Variants in MCUB observed in about 807,000 individuals in gnomAD.
MCUB encodes the protein mitochondrial calcium uniporter dominant negative subunit beta.
MCUB carries 46 observed loss-of-function variants against 41.4 expected under a neutral mutation model. The observed-to-expected ratio is 1.11, with a 90% CI of 0.88 to 1.42. MCUB has a LOEUF of 1.42. Ranked by LOEUF, MCUB falls within the 40% of genes most tolerant of loss-of-function variation. The pLI is 0.00. For missense variants in MCUB, 403 were observed against 404.9 expected, an observed-to-expected ratio of 1.00 and a Z score of 0.04; for synonymous variants, 148 against 148.2, an observed-to-expected ratio of 1.00 and a Z score of 0.01.
intron 4 of MCUB, among the ~76,000 whole-genome samples, chr4:109,681,753 C>T (rs1406601274): frequency 6.6e-6 from 1 of 152,178 alleles, no homozygotes; most frequent in African/African-American, 2.4e-5. Flanking sequence ...CAGTGGACAC[C>T]CTGCTGGATC....
chr4:109,566,439 T>C (rs1204214678), intron 1 of MCUB, among the ~76,000 whole-genome samples: 12 of 149,238 alleles, frequency 8.0e-5, no homozygotes, highest in South Asian at 6.4e-4. Context: ...CACTGCACTC[T>C]AGCCTAGGCA....
At chr4:109,672,899 T>A (rs1729491224) in intron 4 of MCUB, among the ~76,000 whole-genome samples, 1 of 152,232 alleles carries the variant, frequency 6.6e-6, no homozygotes, top group South Asian at 2.1e-4. Context: ...ACCTTGTACC[T>A]ATCATGTCCC....
At chr4:109,567,509 ACTAAAATACAAAAAATT>A (rs1286866136) in intron 1 of MCUB, among the ~76,000 whole-genome samples, 2 of 75,764 alleles carry the variant, frequency 2.6e-5, no homozygotes, top group Non-Finnish European at 4.7e-5. Flanking sequence ...CCTGGTCTCT[ACTAAAATACAAAAAATT>A]AGCCAGACAT....
At chr4:109,675,936 A>G (rs1288997530) in intron 4 of MCUB, among the ~76,000 whole-genome samples, 3 of 152,226 alleles carry the variant, frequency 2.0e-5, no homozygotes, top group Non-Finnish European at 1.5e-5. Context: ...CTGTGAGGAA[A>G]TAAAATGTTG....
intron 1 of MCUB, among the ~76,000 whole-genome samples, chr4:109,647,026 A>C (rs963713596): frequency 6.6e-6 from 1 of 152,154 alleles, no homozygotes; most frequent in Non-Finnish European, 1.5e-5. Flanking sequence ...TTTTTAATAG[A>C]CCATTTTTTA....
At chr4:109,646,313 C>G (rs1479750711) in intron 1 of MCUB, among the ~76,000 whole-genome samples, 1 of 152,174 alleles carries the variant, frequency 6.6e-6, no homozygotes, top group East Asian at 1.9e-4. Context: ...GCCCCCTCTT[C>G]CCCGTGCAGT....
intron 1 of MCUB, among the ~76,000 whole-genome samples, chr4:109,620,600 C>T (rs1188503987): frequency 6.6e-6 from 1 of 151,426 alleles, no homozygotes; most frequent in African/African-American, 2.4e-5. Context: ...TATAAATTAG[C>T]ATTCAATTGT....
intron 4 of MCUB, among the ~76,000 whole-genome samples, chr4:109,675,007 G>T: frequency 6.6e-6 from 1 of 152,150 alleles, no homozygotes; most frequent in Non-Finnish European, 1.5e-5. Flanking sequence ...TATCACACTT[G>T]TGAAATTCTC....
chr4:109,619,537 T>C (rs966142499), intron 1 of MCUB, among the ~76,000 whole-genome samples: 2 of 152,060 alleles, frequency 1.3e-5, no homozygotes, highest in Non-Finnish European at 2.9e-5. Flanking sequence ...GAAACACCCA[T>C]CTCTACTAAA....
At chr4:109,592,233 A>G (rs1471723206) in intron 1 of MCUB, among the ~76,000 whole-genome samples, 1 of 151,690 alleles carries the variant, frequency 6.6e-6, no homozygotes, top group African/African-American at 2.4e-5. Context: ...AATATGGCGA[A>G]ACCCCATCTC....
chr4:109,625,205 C>T (rs1422142935), intron 1 of MCUB, among the ~76,000 whole-genome samples: 1 of 152,040 alleles, frequency 6.6e-6, no homozygotes, highest in Non-Finnish European at 1.5e-5. Context: ...AACACTATGC[C>T]TGCTAAACCA....
chr4:109,605,619 A>G (rs1211974797), intron 1 of MCUB, among the ~76,000 whole-genome samples: 1 of 152,144 alleles, frequency 6.6e-6, no homozygotes, highest in Non-Finnish European at 1.5e-5. Context: ...CATTGGTGAA[A>G]GTATGGCGTT....
At chr4:109,605,264 C>T (rs1051223024) in intron 1 of MCUB, among the ~76,000 whole-genome samples, 13 of 151,982 alleles carry the variant, frequency 8.6e-5, no homozygotes, top group African/African-American at 3.1e-4. Context: ...TTGTATGTGT[C>T]CTTACTAATT....
chr4:109,674,138 G>T (rs1445161497), intron 4 of MCUB: 1 of 1,319,038 alleles, frequency 7.6e-7, no homozygotes, highest in South Asian at 1.2e-5. Flanking sequence ...AAGAGATGCT[G>T]CCTTGTTGGA....
chr4:109,673,232 G>A (rs540589977), intron 4 of MCUB, among the ~76,000 whole-genome samples: 3 of 152,250 alleles, frequency 2.0e-5, no homozygotes, highest in Admixed American at 1.3e-4. Context: ...CTGTTCTTTG[G>A]GTTGCATTTA....
At chr4:109,612,932 C>G (rs919650926) in intron 1 of MCUB, among the ~76,000 whole-genome samples, 1 of 151,984 alleles carries the variant, frequency 6.6e-6, no homozygotes, top group African/African-American at 2.4e-5. Context: ...CGGTGAAATC[C>G]CGTCTCTACT....
At chr4:109,578,417 G>A (rs980393894) in intron 1 of MCUB, among the ~76,000 whole-genome samples, 6 of 152,010 alleles carry the variant, frequency 3.9e-5, no homozygotes, top group African/African-American at 1.2e-4. Flanking sequence ...GCCCAGAAAG[G>A]TTAAGTAAAT....
At chr4:109,634,686 G>A (rs1039167310) in intron 1 of MCUB, among the ~76,000 whole-genome samples, 1 of 152,014 alleles carries the variant, frequency 6.6e-6, no homozygotes, top group South Asian at 2.1e-4. Flanking sequence ...TTGTTGCATT[G>A]TTACTGTATT....
intron 1 of MCUB, among the ~76,000 whole-genome samples, chr4:109,598,014 G>A (rs1315471278): frequency 1.3e-5 from 2 of 151,122 alleles, no homozygotes; most frequent in East Asian, 2.0e-4. Context: ...GGGCAGAGAC[G>A]CTCTTCACTT....
Sources: gnomAD v4.1 joint callset for allele counts (sites outside exome capture counted in the v4.1 genomes callset) on GRCh38, gnomAD v4.1.1 for gene constraint, MANE v1.5 for transcripts, NCBI Gene and HGNC (gene_info 2026-07-23, HGNC 2026-07-21) for gene names.